The following ARHGAP5 variants were observed in gnomAD, a reference collection of about 807,000 sequenced individuals.
The protein encoded by ARHGAP5 is rho GTPase-activating protein 5.
In ARHGAP5, 23 loss-of-function variants were observed where a neutral mutation model predicts 116.6. The observed-to-expected ratio is 0.20, with a 90% CI of 0.14 to 0.28. ARHGAP5 has a LOEUF of 0.28. ARHGAP5 is among the 10% of genes least tolerant of loss of function. The pLI is 1.00. For missense variants in ARHGAP5, 1,405 were observed against 1,774.8 expected (o/e 0.79, Z 3.74); for synonymous variants, 574 against 602.0 (o/e 0.95, Z 0.68).
chr14:32,112,729 G>A lies in ARHGAP5; in HGVS notation c.3718-4411G>A, dbSNP rs144210598. ...CTACTAAGAATACAAAAAAATAGCC[G>A]GGCATGGTGGCAGGGCTTGTAGTCC... On this transcript the variant is annotated intron_variant, in intron 2 of 6. Coordinates refer to ENST00000345122, the MANE Select transcript of ARHGAP5 (RefSeq NM_001030055.2). Among the ~76,000 whole-genome samples the A allele has an allele frequency of 4.6e-4, 70 of 152,258 alleles. 2 individuals are homozygous for A. In the East Asian group the frequency reaches 0.013, roughly 27 times the overall value.
At chr14:32,121,192 G>T (rs1204161361) in intron 3 of ARHGAP5, among the ~76,000 whole-genome samples, 1 of 151,744 alleles carries the variant, frequency 6.6e-6, no homozygotes, top group East Asian at 1.9e-4. Flanking sequence ...GGTTTTGGTA[G>T]AAACAGGGTT....
intron 3 of ARHGAP5, among the ~76,000 whole-genome samples, chr14:32,127,429 G>A (rs1320415773): frequency 1.2e-4 from 18 of 152,048 alleles, no homozygotes; most frequent in Admixed American, 3.9e-4. Context: ...ATCTTGCACC[G>A]CCCTTAATCC....
intron 3 of ARHGAP5, among the ~76,000 whole-genome samples, chr14:32,141,632 C>T (rs1324652031): frequency 1.3e-5 from 2 of 152,064 alleles, no homozygotes; most frequent in Admixed American, 1.3e-4. Flanking sequence ...GTCTAGTGCC[C>T]TTTCATTTCA....
At chr14:32,128,182 G>T (rs531550986) in intron 3 of ARHGAP5, among the ~76,000 whole-genome samples, 1 of 150,372 alleles carries the variant, frequency 6.7e-6, no homozygotes, top group Non-Finnish European at 1.5e-5. Context: ...GGGAAGAGGC[G>T]CTCCTCACTT....
At chr14:32,141,760 C>G (rs143540636) in intron 3 of ARHGAP5, among the ~76,000 whole-genome samples, 11 of 152,210 alleles carry the variant, frequency 7.2e-5, no homozygotes, top group African/African-American at 2.6e-4. Flanking sequence ...ATTTTTGAAA[C>G]ATAGTTTTAC....
rs568888393 is a variant in ARHGAP5 at position 32,142,638 on chromosome 14, A to G, written c.3866-3625A>G. On this transcript the variant is annotated intron_variant, in intron 3 of 6. Transcript: ENST00000345122. ...AGAGCCAAAAGACAGGTTGAAATCC[A>G]TGACCACAGTTCTTTCAGAATAAGG... Among the ~76,000 whole-genome samples, 22 of 152,354 alleles carry G rather than the reference A, an allele frequency of 1.4e-4. No individual in the cohort carries two copies. In the South Asian group the frequency reaches 3.7e-3, roughly 26 times the overall value.
Position 32,093,107 on chromosome 14 carries a change from A to C in ARHGAP5, c.2438A>C (p.Asn813Thr). 2 of 1,614,018 alleles carry C rather than the reference A, an allele frequency of 1.2e-6. No individual in the cohort carries two copies. Among genetic ancestry groups the C allele is most frequent in the Non-Finnish European group, 1.7e-6 (2 of 1,179,932 alleles). ...HSCSAAQAGQ[N>T]NSLMLDKIIG... is the part of the protein sequence containing the mutation. ...TGCAGTGCTGCTCAAGCTGGACAGA[A>C]TAATTCCCTAATGCTTGATAAAATC... Residue 813 changes from asparagine to threonine, a missense_variant, in exon 2 of 7, where the codon AAT (asparagine) becomes ACT (threonine). Asn to Thr is a moderately conservative substitution (Grantham distance 65). Transcript: ENST00000345122.
intron 3 of ARHGAP5, among the ~76,000 whole-genome samples, chr14:32,132,599 A>G (rs776366542): frequency 3.9e-5 from 6 of 152,100 alleles, no homozygotes; most frequent in African/African-American, 7.2e-5. Context: ...ATTAGATCCT[A>G]TTTGTCAATT....
At chr14:32,133,344 G>A (rs1880608782) in intron 3 of ARHGAP5, among the ~76,000 whole-genome samples, 1 of 152,142 alleles carries the variant, frequency 6.6e-6, no homozygotes, top group South Asian at 2.1e-4. Flanking sequence ...TCTCTTTGAA[G>A]CAATTGTGAA....
At chr14:32,110,678 C>T (rs1017822786) in intron 2 of ARHGAP5, among the ~76,000 whole-genome samples, 5 of 152,186 alleles carry the variant, frequency 3.3e-5, no homozygotes, top group African/African-American at 1.2e-4. Context: ...TAGAGAATGG[C>T]CTGTAGGGAA....
chr14:32,154,570 T>C (rs764817610), intron 6 of ARHGAP5, 51 bp from the exon 7 acceptor site: 1 of 1,358,238 alleles, frequency 7.4e-7, no homozygotes, highest in South Asian at 1.4e-5. Context: ...TGGAATTCTG[T>C]GATTGTAATG....
At chr14:32,154,214 G>C in intron 6 of ARHGAP5, 1 of 169,748 alleles carries the variant, frequency 5.9e-6, no homozygotes, top group Non-Finnish European at 1.3e-5. Flanking sequence ...GCAATGGCGC[G>C]ATCTCGGCTC....
chr14:32,127,164 AT>A (rs879757408), intron 3 of ARHGAP5, among the ~76,000 whole-genome samples: 346 of 143,198 alleles, frequency 2.4e-3, no homozygotes, highest in African/African-American at 2.7e-3. Context: ...CTCCTGGCTG[AT>A]TTTTTTTTTT....
chr14:32,082,002 G>A lies in ARHGAP5; in HGVS notation c.-169+4567G>A, dbSNP rs574508407. On this transcript the variant is annotated intron_variant, in intron 1 of 6. Coordinates refer to ENST00000345122, the MANE Select transcript of ARHGAP5 (RefSeq NM_001030055.2). ...GAAACTGTTCCCCCTCAGATCATCA[G>A]GCATTAATTAGTTAGATTCACAAAG... 4.6e-5 allele frequency among the ~76,000 whole-genome samples: 7 copies of A among 152,216 alleles called. No homozygotes were observed. In the East Asian group the frequency reaches 1.4e-3, roughly 29 times the overall value.
At chr14:32,108,167 T>C (rs928757361) in intron 2 of ARHGAP5, among the ~76,000 whole-genome samples, 1 of 152,094 alleles carries the variant, frequency 6.6e-6, no homozygotes, top group Non-Finnish European at 1.5e-5. Context: ...GGAAGTGGGT[T>C]GAAGAGTTAC....
chr14:32,131,775 C>G (rs1404306355), intron 3 of ARHGAP5, among the ~76,000 whole-genome samples: 5 of 152,168 alleles, frequency 3.3e-5, no homozygotes, highest in Non-Finnish European at 5.9e-5. Flanking sequence ...TGATGTTCCC[C>G]TTCCTGTGTC....
At chr14:32,087,669 G>C (rs982700725) in intron 1 of ARHGAP5, among the ~76,000 whole-genome samples, 1 of 151,846 alleles carries the variant, frequency 6.6e-6, no homozygotes, top group African/African-American at 2.4e-5. Flanking sequence ...ATAAGCTCTG[G>C]AGTTGATTTC....
At chr14:32,111,647 G>T (rs1879304314) in intron 2 of ARHGAP5, among the ~76,000 whole-genome samples, 1 of 152,220 alleles carries the variant, frequency 6.6e-6, no homozygotes, top group East Asian at 1.9e-4. Context: ...GCAAAACCCA[G>T]TGTTTTGTGG....
At chr14:32,080,951 G>C (rs1188584736) in intron 1 of ARHGAP5, among the ~76,000 whole-genome samples, 1 of 152,090 alleles carries the variant, frequency 6.6e-6, no homozygotes, top group African/African-American at 2.4e-5. Context: ...TATGTTACTT[G>C]CTTAGAGTCT....
Sources: allele counts gnomAD v4.1 joint callset (sites outside exome capture counted in the v4.1 genomes callset), GRCh38; gene constraint gnomAD v4.1.1; transcripts MANE v1.5; gene names NCBI Gene and HGNC (gene_info 2026-07-23, HGNC 2026-07-21).